Variants in ZFHX3 observed in about 807,000 individuals in gnomAD.
The protein encoded by ZFHX3 is zinc finger homeobox protein 3.
In ZFHX3, 42 loss-of-function variants were observed where a neutral mutation model predicts 279.1. That is an observed-to-expected ratio of 0.15 (90% CI 0.12 to 0.19). The LOEUF is 0.19. ZFHX3 is among the 10% of genes least tolerant of loss of function. ZFHX3 has a pLI of 1.00. For synonymous variants in ZFHX3, 2,293 were observed against 1,957.8 expected (o/e 1.17, Z -4.52); for missense variants, 4,981 against 4,754.0 (o/e 1.05, Z -1.40).
intron 4 of ZFHX3, among the ~76,000 whole-genome samples, chr16:72,883,451 C>A (rs1047230496): frequency 6.6e-6 from 1 of 152,188 alleles, no homozygotes; most frequent in Non-Finnish European, 1.5e-5. Flanking sequence ...ATCTGACATT[C>A]TGTTAGAGTC....
intron 5 of ZFHX3, among the ~76,000 whole-genome samples, chr16:73,237,053 T>C (rs559286549): frequency 4.6e-5 from 7 of 152,308 alleles, no homozygotes; most frequent in African/African-American, 1.7e-4. Flanking sequence ...ACCAGTGATA[T>C]CGGCGAGACA....
At chr16:73,623,679 T>C (rs2052389819) in intron 2 of ZFHX3, among the ~76,000 whole-genome samples, 1 of 152,212 alleles carries the variant, frequency 6.6e-6, no homozygotes, top group African/African-American at 2.4e-5. Flanking sequence ...TAAATGTAGA[T>C]GCTTTGTCTG....
rs1423277846 is a variant in ZFHX3, at chr16:72,877,105, A to C, written c.3448+12626T>G. 2.6e-5 allele frequency among the ~76,000 whole-genome samples: 4 copies of C among 152,226 alleles called. No homozygotes were observed. The East Asian group carries it at 7.7e-4, about 29-fold the overall frequency. ...TCCTGATTAAAGCAAAGCTCAGAGAAAACAGCCCGGTATGGCACAAATCTC... is the reference window on the plus strand; with the variant it reads ...TCCTGATTAAAGCAAAGCTCAGAGACAACAGCCCGGTATGGCACAAATCTC... On this transcript the variant is annotated intron_variant, in intron 4 of 9. Transcript: ENST00000268489.
chr16:73,839,926 T>A (rs1307271990), intron 1 of ZFHX3, among the ~76,000 whole-genome samples: 1 of 152,210 alleles, frequency 6.6e-6, no homozygotes, highest in African/African-American at 2.4e-5. Flanking sequence ...CTAGTAACAT[T>A]TCCCCTGTGT....
At chr16:73,120,946 G>C (rs1323819017) in intron 7 of ZFHX3, among the ~76,000 whole-genome samples, 1 of 151,844 alleles carries the variant, frequency 6.6e-6, no homozygotes, top group Non-Finnish European at 1.5e-5. Context: ...GAGCCACTGT[G>C]CCGGGCCCCT....
intron 3 of ZFHX3, among the ~76,000 whole-genome samples, chr16:73,452,635 C>T (rs1203663028): frequency 6.6e-6 from 1 of 152,186 alleles, no homozygotes; most frequent in African/African-American, 2.4e-5. Context: ...CCTAGGAAAA[C>T]CATTCCTACT....
chr16:73,586,451 G>GT (rs942104071), intron 2 of ZFHX3, among the ~76,000 whole-genome samples: 6 of 142,132 alleles, frequency 4.2e-5, no homozygotes, highest in South Asian at 2.1e-4. Flanking sequence ...AAAGTTGGAG[G>GT]TAAAAAAAAA....
chr16:73,804,797 A>G (rs372933295), intron 1 of ZFHX3, among the ~76,000 whole-genome samples: 15 of 151,522 alleles, frequency 9.9e-5, no homozygotes, highest in Admixed American at 6.6e-4. Flanking sequence ...CAAAGTCATT[A>G]TAGTTTTCTC....
chr16:73,350,820 T>C (rs2016227554), intron 3 of ZFHX3, among the ~76,000 whole-genome samples: 1 of 152,214 alleles, frequency 6.6e-6, no homozygotes, highest in African/African-American at 2.4e-5. Context: ...AGACGGTCTC[T>C]TGGGAGAAAT....
At chr16:73,337,864 A>T (rs2015943720) in intron 3 of ZFHX3, among the ~76,000 whole-genome samples, 1 of 118,742 alleles carries the variant, frequency 8.4e-6, no homozygotes, top group Non-Finnish European at 1.7e-5. Context: ...TAGTTTTCCA[A>T]TTTCAATAAG....
intron 1 of ZFHX3, among the ~76,000 whole-genome samples, chr16:73,760,767 T>A (rs182862438): frequency 6.6e-6 from 1 of 152,230 alleles, no homozygotes; most frequent in Non-Finnish European, 1.5e-5. Context: ...TTCATAAAAT[T>A]CAACATCCCT....
intron 4 of ZFHX3, among the ~76,000 whole-genome samples, chr16:72,876,694 C>T (rs2038324267): frequency 6.6e-6 from 1 of 152,198 alleles, no homozygotes; most frequent in Non-Finnish European, 1.5e-5. Flanking sequence ...CTGGTCCAAT[C>T]TGGAAGAAAA....
At chr16:73,501,470 T>A (rs1466069746) in intron 2 of ZFHX3, among the ~76,000 whole-genome samples, 1 of 152,200 alleles carries the variant, frequency 6.6e-6, no homozygotes, top group Non-Finnish European at 1.5e-5. Flanking sequence ...TTCTGGAACT[T>A]TTAACCAGTA....
chr16:73,075,646 T>G (rs1354483739), intron 8 of ZFHX3, among the ~76,000 whole-genome samples: 1 of 152,078 alleles, frequency 6.6e-6, no homozygotes, highest in African/African-American at 2.4e-5. Flanking sequence ...GACTTTTTTT[T>G]TTTTTGAGAT....
chr16:73,143,801 C>A, exon 6 of ZFHX3: 1 of 1,304,844 alleles, frequency 7.7e-7, no homozygotes, highest in Non-Finnish European at 1.0e-6. Flanking sequence ...CTAGGCTAGA[C>A]TTCTGGGGGT....
intron 2 of ZFHX3, among the ~76,000 whole-genome samples, chr16:73,652,041 C>A (rs1335027532): frequency 6.6e-6 from 1 of 152,050 alleles, no homozygotes; most frequent in African/African-American, 2.4e-5. Flanking sequence ...ACAGGATAGA[C>A]CCTCACCAAA....
At chr16:73,805,821 G>A (rs1487564222) in intron 1 of ZFHX3, among the ~76,000 whole-genome samples, 5 of 152,330 alleles carry the variant, frequency 3.3e-5, no homozygotes, top group African/African-American at 1.2e-4. Flanking sequence ...AAGAGACAGA[G>A]GGTGATGGGG....
chr16:73,316,822 C>T (rs900983353), intron 4 of ZFHX3, among the ~76,000 whole-genome samples: 5 of 152,136 alleles, frequency 3.3e-5, no homozygotes, highest in Admixed American at 2.6e-4. Context: ...CAGAAAAATC[C>T]GGATATGGTG....
chr16:73,654,843 G>T (rs2052707094), intron 2 of ZFHX3, among the ~76,000 whole-genome samples: 1 of 142,898 alleles, frequency 7.0e-6, no homozygotes, highest in South Asian at 2.3e-4. Context: ...TCTTCTAAAC[G>T]ATAGTAATCA....
Sources: allele counts gnomAD v4.1 joint callset (sites outside exome capture counted in the v4.1 genomes callset), GRCh38; gene constraint gnomAD v4.1.1; transcripts MANE v1.5; gene names NCBI Gene and HGNC (gene_info 2026-07-23, HGNC 2026-07-21).